FCGRT: variants seen among roughly 807,000 people sequenced by gnomAD.
The protein encoded by FCGRT is IgG receptor FcRn large subunit p51.
In FCGRT, 13 loss-of-function variants were observed where a neutral mutation model predicts 35.7. The ratio of observed to expected loss-of-function variants is 0.36; its 90% CI spans 0.24 to 0.58. FCGRT has a LOEUF of 0.58. FCGRT is among the 20% of genes least tolerant of loss of function. The pLI, the probability that FCGRT is intolerant of heterozygous loss-of-function variation, is 0.77. For missense variants in FCGRT, 455 were observed against 474.9 expected, an observed-to-expected ratio of 0.96 and a Z score of 0.39; for synonymous variants, 233 against 216.5, an observed-to-expected ratio of 1.08 and a Z score of -0.67.
At chr19:49,517,143 T>G (rs1044740366) in intron 4 of FCGRT, among the ~76,000 whole-genome samples, 5 of 151,844 alleles carry the variant, frequency 3.3e-5, no homozygotes, top group Non-Finnish European at 5.9e-5. Flanking sequence ...GTGAACTGAT[T>G]GCAACTCTGC....
intron 5 of FCGRT, 88 bp from the exon 6 acceptor site, chr19:49,525,369 G>C (rs1190531781): frequency 8.4e-6 from 8 of 953,922 alleles, no homozygotes; most frequent in Non-Finnish European, 1.4e-5. Flanking sequence ...CTCCGAGGCT[G>C]GGAGGGACTG....
intron 4 of FCGRT, 105 bp downstream of exon 4, chr19:49,514,591 A>G: frequency 9.0e-7 from 1 of 1,108,160 alleles, no homozygotes; most frequent in Non-Finnish European, 1.2e-6. Context: ...ACTGCAGCCC[A>G]CGCTCTGCCC....
At chr19:49,518,360 CT>C (rs56352202) in intron 4 of FCGRT, among the ~76,000 whole-genome samples, 16,372 of 132,570 alleles carry the variant, frequency 0.12, 1,041 homozygotes, top group African/African-American at 0.24. Flanking sequence ...TTCTTTCTTT[CT>C]TTTTTTTTTT....
Position 49,525,505 on chromosome 19 carries a change from T to C in FCGRT, c.920T>C (p.Val307Ala), listed in dbSNP as rs199588435. ...SVLVVGIVIG[V>A]LLLTAAAVGG... is the part of the protein sequence containing the mutation. ...CTCGTGGTGGGAATCGTCATCGGTG[T>C]CTTGCTACTCACGGCAGCGGCTGTA... Residue 307 changes from valine to alanine, a missense_variant, in exon 6 of 7, where the codon GTC (valine) becomes GCC (alanine). By Grantham distance (64) the Val-to-Ala change is moderately conservative (BLOSUM62 0). Transcript: ENST00000221466. 4.8e-5 allele frequency: 78 copies of C among 1,613,864 alleles called. No homozygotes were observed. The highest frequency in any genetic ancestry group is 6.4e-5 in the Non-Finnish European group (75 of 1,180,002).
chr19:49,514,996 C>A (rs1421638866), intron 4 of FCGRT, among the ~76,000 whole-genome samples: 1 of 145,424 alleles, frequency 6.9e-6, no homozygotes, highest in Non-Finnish European at 1.5e-5. Context: ...CTGGCTCCCC[C>A]CTTTTTTTTT....
At chr19:49,513,735 T>TGGGGGGGGGG (rs2079988163) in intron 2 of FCGRT, 147 bp from the exon 3 acceptor site, 2 of 497,276 alleles carry the variant, frequency 4.0e-6, no homozygotes, top group Non-Finnish European at 6.9e-6. Context: ...TCTGGGTCTC[T>TGGGGGGGGGG]GTCCCCCCCC....
chr19:49,514,527 C>G (rs2079995272), intron 4 of FCGRT, 41 bp downstream of exon 4: 2 of 1,498,768 alleles, frequency 1.3e-6, no homozygotes, highest in African/African-American at 1.4e-5. Context: ...TGTCCTCTCT[C>G]CCGTCATGCC....
intron 4 of FCGRT, among the ~76,000 whole-genome samples, chr19:49,516,415 G>GT (rs1339364365): frequency 1.4e-5 from 2 of 146,822 alleles, no homozygotes; most frequent in African/African-American, 5.0e-5. Context: ...GCTAATTTTT[G>GT]TTTGTTTTTT....
intron 4 of FCGRT, among the ~76,000 whole-genome samples, chr19:49,516,423 T>G (rs899942653): frequency 8.1e-5 from 12 of 147,376 alleles, no homozygotes; most frequent in East Asian, 8.1e-4. Flanking sequence ...TTGTTTGTTT[T>G]TTTTTTTTTA....
intron 2 of FCGRT, 146 bp downstream of exon 2, chr19:49,513,619 C>T (rs577325226): frequency 8.5e-6 from 4 of 471,764 alleles, no homozygotes; most frequent in African/African-American, 6.0e-5. Context: ...TCAACGTCTC[C>T]TGCTGGGCCT....
At chr19:49,523,500 G>A (rs1227786975) in intron 4 of FCGRT, among the ~76,000 whole-genome samples, 1 of 152,078 alleles carries the variant, frequency 6.6e-6, no homozygotes, top group African/African-American at 2.4e-5. Context: ...CCCAGGAAGT[G>A]GGGGTTGCAG....
At chr19:49,517,862 T>G (rs548884112) in intron 4 of FCGRT, among the ~76,000 whole-genome samples, 1 of 152,182 alleles carries the variant, frequency 6.6e-6, no homozygotes, top group East Asian at 1.9e-4. Flanking sequence ...CCAGCCAATT[T>G]TTGTATTTTT....
At chr19:49,519,893 C>T (rs536028916) in intron 4 of FCGRT, among the ~76,000 whole-genome samples, 141 of 137,334 alleles carry the variant, frequency 1.0e-3, no homozygotes, top group Middle Eastern at 9.7e-3. Context: ...TGCAGTGTTG[C>T]GATCTTGGCT....
chr19:49,515,966 T>G, intron 4 of FCGRT: 1 of 318,894 alleles, frequency 3.1e-6, no homozygotes, highest in Non-Finnish European at 6.1e-6. Context: ...TCCTCAGCTC[T>G]GTAGGGCAGA....
At chr19:49,514,767 C>T (rs1325637079) in intron 4 of FCGRT, among the ~76,000 whole-genome samples, 6 of 150,846 alleles carry the variant, frequency 4.0e-5, no homozygotes, top group Non-Finnish European at 8.9e-5. Context: ...GATCTCGGCT[C>T]ACCACAACCT....
At chr19:49,516,324 C>T (rs2080007394) in intron 4 of FCGRT, 1 of 340,308 alleles carries the variant, frequency 2.9e-6, no homozygotes, top group Non-Finnish European at 5.8e-6. Flanking sequence ...CTCACTGCAA[C>T]CTCCGCCTCC....
Position 49,526,113 on chromosome 19 carries a change from C to T in FCGRT, c.1092C>T (p.Thr364=), listed in dbSNP as rs140352484. Residue 364 remains threonine (T), a synonymous_variant, in exon 7 of 7, where the codon ACC becomes ACT. Coordinates refer to ENST00000221466, the MANE Select transcript of FCGRT (RefSeq NM_001136019.3). The part of the protein sequence containing the change: ...DLKDVNVIPA[T]A Reference sequence around the variant, plus strand: ...AGGATGTAAATGTGATTCCAGCCACCGCCTGACCATCCGCCATTCCGACTG... The same window carrying T: ...AGGATGTAAATGTGATTCCAGCCACTGCCTGACCATCCGCCATTCCGACTG... 240 of 1,607,316 alleles carry T rather than the reference C, an allele frequency of 1.5e-4. No individual in the cohort carries two copies. The African/African-American group carries it at 2.4e-3, about 16-fold the overall frequency.
At chr19:49,523,080 T>A (rs191720644) in intron 4 of FCGRT, among the ~76,000 whole-genome samples, 13 of 151,930 alleles carry the variant, frequency 8.6e-5, no homozygotes, top group Admixed American at 8.5e-4. Flanking sequence ...CCTGGCCAAG[T>A]TCTCTTTCTT....
Position 49,524,701 on chromosome 19 carries a change from A to C in FCGRT, c.796A>C (p.Lys266Gln). 6.2e-7 allele frequency: 1 copy of C among 1,603,128 alleles called. No individual in the cohort carries two copies. The highest frequency in any genetic ancestry group is 8.5e-7 in the Non-Finnish European group (1 of 1,179,950). The change falls in exon 5 of 7, where the codon AAA becomes CAA. Residue 266 changes from lysine (K) to glutamine (Q), a missense_variant. Lys to Gln is a moderately conservative substitution (Grantham distance 53). Coordinates refer to ENST00000221466, the MANE Select transcript of FCGRT (RefSeq NM_001136019.3). ...SFHASSSLTV[K>Q]SGDEHHYCCI... ...CCACGCCTCGTCGTCACTAACAGTC[A>C]AAAGTGGCGATGAGCACCACTACTG...
Sources: gnomAD v4.1 joint callset for allele counts (sites outside exome capture counted in the v4.1 genomes callset) on GRCh38, gnomAD v4.1.1 for gene constraint, MANE v1.5 for transcripts, NCBI Gene and HGNC (gene_info 2026-07-23, HGNC 2026-07-21) for gene names.